Variants in GABRG3 observed in about 807,000 individuals in gnomAD.
GABRG3 encodes the protein gamma-aminobutyric acid receptor subunit gamma-3.
Under a neutral mutation model 48.8 loss-of-function variants are expected in GABRG3, and 25 were observed. That is an observed-to-expected ratio of 0.51 (90% CI 0.37 to 0.72). The LOEUF (loss-of-function observed/expected upper bound fraction) is 0.72, where lower values mean the gene tolerates loss of function less well. Ranked by LOEUF, GABRG3 falls within the 30% of genes least tolerant of loss-of-function variation. The pLI, the probability that GABRG3 is intolerant of heterozygous loss-of-function variation, is 0.00. For missense variants in GABRG3, 394 were observed against 577.9 expected, an observed-to-expected ratio of 0.68 and a Z score of 3.26; for synonymous variants, 227 against 217.6, an observed-to-expected ratio of 1.04 and a Z score of -0.38.
intron 6 of GABRG3, among the ~76,000 whole-genome samples, chr15:27,507,074 A>T (rs540432309): frequency 1.3e-5 from 2 of 152,162 alleles, no homozygotes; most frequent in African/African-American, 4.8e-5. Context: ...TTTCTTCCTG[A>T]CCCATAAAAT....
chr15:27,310,694 A>T (rs145335783), intron 3 of GABRG3, among the ~76,000 whole-genome samples: 3 of 152,294 alleles, frequency 2.0e-5, no homozygotes, highest in Non-Finnish European at 4.4e-5. Flanking sequence ...AAAAAGAAGA[A>T]GTTTGAAGAA....
chr15:27,054,659 G>C (rs1303350367), intron 3 of GABRG3, among the ~76,000 whole-genome samples: 1 of 152,148 alleles, frequency 6.6e-6, no homozygotes, highest in African/African-American at 2.4e-5. Context: ...CTGCAGATCC[G>C]TCAGATGGAA....
At chr15:27,111,659 A>G (rs1204183595) in intron 3 of GABRG3, among the ~76,000 whole-genome samples, 1 of 152,146 alleles carries the variant, frequency 6.6e-6, no homozygotes, top group Non-Finnish European at 1.5e-5. Flanking sequence ...GAGAGGGTCT[A>G]CGCCTTGTAG....
chr15:27,023,748 T>C (rs1004352873), intron 2 of GABRG3, among the ~76,000 whole-genome samples: 5 of 152,266 alleles, frequency 3.3e-5, no homozygotes, highest in Admixed American at 3.3e-4. Flanking sequence ...TTTTGGCTAC[T>C]GTGAATAATA....
intron 3 of GABRG3, among the ~76,000 whole-genome samples, chr15:27,076,318 C>A (rs1050877217): frequency 3.8e-5 from 4 of 106,484 alleles, no homozygotes; most frequent in South Asian, 3.1e-4. Flanking sequence ...AGCCAACTGT[C>A]TTTTTTTTTT....
At chr15:27,030,743 G>A (rs375390145) in intron 3 of GABRG3, among the ~76,000 whole-genome samples, 227 of 152,212 alleles carry the variant, frequency 1.5e-3, no homozygotes, top group African/African-American at 5.3e-3. Flanking sequence ...CAAGACCATA[G>A]TGGAGAAGAT....
At chr15:27,073,800 G>A (rs1267606969) in intron 3 of GABRG3, among the ~76,000 whole-genome samples, 1 of 152,150 alleles carries the variant, frequency 6.6e-6, no homozygotes, top group Non-Finnish European at 1.5e-5. Flanking sequence ...TGTCGGCCCT[G>A]GCTGGGTTTC....
chr15:27,410,877 TG>T (rs1329925820), intron 5 of GABRG3, among the ~76,000 whole-genome samples: 1 of 151,714 alleles, frequency 6.6e-6, no homozygotes, highest in Non-Finnish European at 1.5e-5. Context: ...TGTGTGTGTG[TG>T]TGTGTGTGTG....
intron 3 of GABRG3, among the ~76,000 whole-genome samples, chr15:27,221,793 T>C (rs1266460837): frequency 6.6e-6 from 1 of 152,190 alleles, no homozygotes; most frequent in Non-Finnish European, 1.5e-5. Flanking sequence ...TCTCAAGAAC[T>C]CAAAATTTAA....
intron 3 of GABRG3, among the ~76,000 whole-genome samples, chr15:27,312,958 T>C (rs974877959): frequency 4.6e-5 from 7 of 150,910 alleles, no homozygotes; most frequent in Middle Eastern, 3.2e-3. Flanking sequence ...AAAATGTGTT[T>C]ATGGGTGCAC....
rs59969384 is a variant in GABRG3 at position 27,353,426 on chromosome 15, C to CTATTTATTTATTTATTTATT, written c.574+24552_574+24571dup. On this transcript the variant is annotated intron_variant, in intron 5 of 9. Coordinates refer to ENST00000615808, the MANE Select transcript of GABRG3 (RefSeq NM_033223.5). ...GATGTGTGCATAGTTTTCTTTCTTT[C>CTATTTATTTATTTATTTATT]TATTTATTTATTTATTTATTTATTT... Among the ~76,000 whole-genome samples the CTATTTATTTATTTATTTATT allele has an allele frequency of 4.9e-3, 709 of 146,100 alleles. 5 individuals carry two copies. Among genetic ancestry groups the CTATTTATTTATTTATTTATT allele is most frequent in the African/African-American group, 0.014 (543 of 38,844 alleles).
chr15:27,237,866 G>C (rs1890022672), intron 3 of GABRG3, among the ~76,000 whole-genome samples: 1 of 152,112 alleles, frequency 6.6e-6, no homozygotes, highest in African/African-American at 2.4e-5. Context: ...CAAATTTATA[G>C]GGTCTCTATG....
intron 5 of GABRG3, 115 bp downstream of exon 5, chr15:27,329,003 A>G: frequency 1.1e-6 from 1 of 870,142 alleles, no homozygotes; most frequent in Non-Finnish European, 1.9e-6. Context: ...ACACAGAGAA[A>G]ACTGATGATG....
In GABRG3 at chr15:27,319,788, C is replaced by A. The variant is rs184761817; in HGVS notation, c.271-7021C>A. On this transcript the variant is annotated intron_variant, in intron 3 of 9. Coordinates refer to ENST00000615808, the MANE Select transcript of GABRG3 (RefSeq NM_033223.5). The surrounding 1 kb of genome is among the most constrained non-coding windows in gnomAD (Gnocchi z 4.4). ...GATACACGGAGCCTTGAGTATCATG[C>A]AAAGAATATTAACCCCAATTCTGTA... Among the ~76,000 whole-genome samples, 1,998 of 152,254 alleles carry A rather than the reference C, an allele frequency of 0.013. 21 individuals are homozygous for A. Among genetic ancestry groups the A allele is most frequent in the Admixed American group, 0.021 (315 of 15,300 alleles).
chr15:26,992,595 A>C (rs1421006769), intron 2 of GABRG3, among the ~76,000 whole-genome samples: 2 of 152,110 alleles, frequency 1.3e-5, no homozygotes, highest in Non-Finnish European at 2.9e-5. Context: ...TGATCTTCTA[A>C]ATTCATTGTT....
intron 3 of GABRG3, among the ~76,000 whole-genome samples, chr15:27,275,242 T>C (rs553816611): frequency 6.6e-6 from 1 of 152,344 alleles, no homozygotes; most frequent in East Asian, 1.9e-4. Context: ...CCCCAGGTTG[T>C]CAAGTAACCT....
intron 3 of GABRG3, among the ~76,000 whole-genome samples, chr15:27,160,456 ATTGT>A (rs1887137143): frequency 6.6e-6 from 1 of 152,022 alleles, no homozygotes; most frequent in Non-Finnish European, 1.5e-5. Flanking sequence ...GATTATTGAG[ATTGT>A]TTGGTATTAT....
intron 9 of GABRG3, among the ~76,000 whole-genome samples, chr15:27,531,939 T>G (rs1262539544): frequency 6.6e-6 from 1 of 152,176 alleles, no homozygotes; most frequent in Non-Finnish European, 1.5e-5. Flanking sequence ...TTATGCTTCT[T>G]GAGATGGTAA....
chr15:27,335,534 A>G (rs1456461421), intron 5 of GABRG3, among the ~76,000 whole-genome samples: 1 of 152,228 alleles, frequency 6.6e-6, no homozygotes. Flanking sequence ...GTTCAGATGC[A>G]TGCTATGCCT....
Sources: allele counts gnomAD v4.1 joint callset (sites outside exome capture counted in the v4.1 genomes callset), GRCh38; gene constraint gnomAD v4.1.1; non-coding constraint Gnocchi (gnomAD v3.1); transcripts MANE v1.5; gene names NCBI Gene and HGNC (gene_info 2026-07-23, HGNC 2026-07-21).